Variants in IL17RD observed in about 807,000 individuals in gnomAD.
IL17RD encodes interleukin-17 receptor D.
A neutral mutation model predicts 80.5 loss-of-function variants in IL17RD; 52 were observed. The ratio of observed to expected loss-of-function variants is 0.65; its 90% confidence interval spans 0.52 to 0.81. The LOEUF (loss-of-function observed/expected upper bound fraction) is 0.81. Ranked by LOEUF, IL17RD falls within the 40% of genes least tolerant of loss-of-function variation. The probability of loss-of-function intolerance (pLI) is 0.00; values close to 1 mark genes in which losing one functional copy is unlikely to be tolerated. For missense variants in IL17RD, 1,024 were observed against 955.1 expected, an observed-to-expected ratio of 1.07 and a Z score of -0.95; for synonymous variants, 416 against 391.8, an observed-to-expected ratio of 1.06 and a Z score of -0.73.
chr3:57,158,382 A>G (rs143184108), intron 1 of IL17RD, among the ~76,000 whole-genome samples: 4 of 152,366 alleles, frequency 2.6e-5, no homozygotes, highest in African/African-American at 9.6e-5. Flanking sequence ...TTTTACCATA[A>G]AATGAATGCT....
intron 1 of IL17RD, 145 bp from the exon 2 acceptor site, chr3:57,120,458 G>A (rs1024341972): frequency 1.4e-5 from 9 of 648,612 alleles, no homozygotes; most frequent in East Asian, 5.5e-5. Context: ...CTTTCTGCCC[G>A]CTTCATGGCC....
chr3:57,145,007 A>C (rs1335755079), intron 1 of IL17RD, among the ~76,000 whole-genome samples: 1 of 152,232 alleles, frequency 6.6e-6, no homozygotes, highest in Non-Finnish European at 1.5e-5. Flanking sequence ...GAGGGTAAAA[A>C]ATGAACGACT....
At chr3:57,166,986 T>C (rs764079009), upstream of IL17RD, among the ~76,000 whole-genome samples, 1 of 152,194 alleles carries the variant, frequency 6.6e-6, no homozygotes, top group Non-Finnish European at 1.5e-5. Flanking sequence ...AGAACTCTTC[T>C]TGGTAATGCT....
chr3:57,114,394 G>A (rs1018174868), intron 3 of IL17RD, among the ~76,000 whole-genome samples: 3 of 152,106 alleles, frequency 2.0e-5, no homozygotes, highest in Non-Finnish European at 4.4e-5. Flanking sequence ...CCCTCCCACC[G>A]CTGACTAGGG....
At chr3:57,102,679 A>G (rs1277964026) in intron 9 of IL17RD, 90 bp from the exon 10 acceptor site, 3 of 579,332 alleles carry the variant, frequency 5.2e-6, no homozygotes, top group South Asian at 6.2e-5. Context: ...CATAAGCCGC[A>G]TAACAGGTTC....
At chr3:57,161,840 G>A (rs950205254) in intron 1 of IL17RD, among the ~76,000 whole-genome samples, 2 of 152,200 alleles carry the variant, frequency 1.3e-5, no homozygotes, top group Admixed American at 1.3e-4. Context: ...AAATGAGGAT[G>A]GTGTGGTCCC....
In IL17RD at chr3:57,097,925, C is replaced by T; in HGVS notation, c.1778G>A (p.Cys593Tyr). Reference sequence around the variant, plus strand: ...GAAGTCACTCTCAGGCCCTGGTTTGCACATGACATCATTTAAAACCAAGCC... The same window carrying T: ...GAAGTCACTCTCAGGCCCTGGTTTGTACATGACATCATTTAAAACCAAGCC... ...DSGLVLNDVMCKPGPESDFCL... is the reference protein window; with the variant it reads ...DSGLVLNDVMYKPGPESDFCL... The change falls in exon 12 of 13, where the codon TGC (cysteine) becomes TAC (tyrosine). Residue 593 changes from cysteine to tyrosine, a missense_variant. Coordinates refer to ENST00000296318, the MANE Select transcript of IL17RD (RefSeq NM_017563.5). 1.2e-6 allele frequency: 2 copies of T among 1,614,048 alleles called. No individual in the cohort carries two copies. The highest frequency in any genetic ancestry group is 1.7e-6 in the Non-Finnish European group (2 of 1,179,904).
chr3:57,169,137 TCA>T (rs1374189596), upstream of IL17RD: 1 of 446,944 alleles, frequency 2.2e-6, no homozygotes, highest in Non-Finnish European at 4.5e-6. Flanking sequence ...CTTTCATGGA[TCA>T]CAGTTTCCTC....
At position 57,134,156 on chromosome 3, in the gene IL17RD, G is replaced by C. The variant is rs1707670777; in HGVS notation, c.127-13843C>G. ...CAGCCATGAGTATGCTCAGGTTTCA[G>C]ATGAGGCTCGCCTTTAGTGTCCTCT... On this transcript the variant is annotated intron_variant, in intron 1 of 12. Transcript: ENST00000296318. The C allele has an allele frequency of 6.2e-6, 4 of 645,222 alleles. No homozygotes were observed. The Admixed American group carries it at 7.7e-5, about 12-fold the overall frequency. 40.0% of individuals were successfully genotyped at this position (645,222 alleles called of 1,614,324 possible). A position where few individuals can be genotyped will look rare whatever the true frequency, so the allele number is the denominator to read the frequency against.
chr3:57,156,443 T>C (rs1211775638), intron 1 of IL17RD, among the ~76,000 whole-genome samples: 1 of 152,050 alleles, frequency 6.6e-6, no homozygotes, highest in Admixed American at 6.6e-5. Flanking sequence ...CACGTGCCTG[T>C]AGTCCCAGCT....
intron 2 of IL17RD, among the ~76,000 whole-genome samples, chr3:57,115,518 G>A (rs1707197521): frequency 6.6e-6 from 1 of 152,122 alleles, no homozygotes; most frequent in African/African-American, 2.4e-5. Context: ...TTTACTCACT[G>A]CCACCTGTCA....
intron 11 of IL17RD, 27 bp downstream of exon 11, chr3:57,101,152 T>C (rs1456502781): frequency 6.3e-7 from 1 of 1,599,124 alleles, no homozygotes; most frequent in South Asian, 1.1e-5. Context: ...CTGGCCAGGG[T>C]AGGAGAAGGA....
chr3:57,107,947 T>C lies in IL17RD; in HGVS notation c.550+1590A>G, dbSNP rs141258682. Among the ~76,000 whole-genome samples, 67 of 152,286 alleles carry C rather than the reference T, an allele frequency of 4.4e-4. 1 individual carries two copies. In the East Asian group the frequency reaches 0.011, roughly 26 times the overall value. ...ATAAACAGAACTTTCTAGAAAATAA[T>C]TTTCTTAATCTAGTCCTGAAAATGA... is the stretch of plus-strand genomic sequence containing the variant. On this transcript the variant is annotated intron_variant, in intron 5 of 12. Transcript: ENST00000296318.
intron 1 of IL17RD, 101 bp from the exon 2 acceptor site, chr3:57,120,414 G>C: frequency 2.5e-6 from 2 of 795,004 alleles, no homozygotes; most frequent in Non-Finnish European, 4.3e-6. Flanking sequence ...CTGAGACCCA[G>C]GGTCATGCCA....
intron 1 of IL17RD, among the ~76,000 whole-genome samples, chr3:57,142,835 G>C (rs776195543): frequency 2.0e-5 from 3 of 151,770 alleles, no homozygotes; most frequent in East Asian, 1.9e-4. Context: ...TGTCAACATC[G>C]CATCCCAGTT....
At chr3:57,146,579 C>T (rs982956439) in intron 1 of IL17RD, among the ~76,000 whole-genome samples, 23 of 151,744 alleles carry the variant, frequency 1.5e-4, no homozygotes, top group African/African-American at 5.1e-4. Context: ...GGAGAAACCC[C>T]ATCTCTACTA....
At chr3:57,158,949 A>C (rs1419312547) in intron 1 of IL17RD, among the ~76,000 whole-genome samples, 1 of 152,210 alleles carries the variant, frequency 6.6e-6, no homozygotes, top group Non-Finnish European at 1.5e-5. Context: ...AACAGGTAGA[A>C]TCTGCAAATA....
upstream of IL17RD, among the ~76,000 whole-genome samples, chr3:57,168,687 G>GT (rs2060357827): frequency 6.6e-6 from 1 of 151,912 alleles, no homozygotes; most frequent in African/African-American, 2.4e-5. Context: ...CTCCTTTCTG[G>GT]TTTTTTTGTG....
At chr3:57,134,120 T>A (rs1336077982) in intron 1 of IL17RD, 2 of 570,358 alleles carry the variant, frequency 3.5e-6, no homozygotes, top group African/African-American at 3.7e-5. Context: ...TTGCTTTCGC[T>A]GCTGCGGCCA....
Sources: allele counts gnomAD v4.1 joint callset (sites outside exome capture counted in the v4.1 genomes callset), GRCh38; gene constraint gnomAD v4.1.1; transcripts MANE v1.5; gene names NCBI Gene and HGNC (gene_info 2026-07-23, HGNC 2026-07-21).